The following NBAS variants were observed in gnomAD, a reference collection of about 807,000 sequenced individuals.
The protein encoded by NBAS is NBAS subunit of NRZ tethering complex.
A neutral mutation model predicts 302.5 loss-of-function variants in NBAS; 219 were observed. The observed-to-expected ratio is 0.72, with a 90% confidence interval of 0.65 to 0.81. NBAS has a LOEUF of 0.81. Among genes scored for constraint, NBAS ranks in the 30% least tolerant of loss-of-function variants. NBAS has a pLI of 0.00. For missense variants in NBAS, 2,932 were observed against 2,841.6 expected, an observed-to-expected ratio of 1.03 and a Z score of -0.72; for synonymous variants, 1,118 against 1,021.6, an observed-to-expected ratio of 1.09 and a Z score of -1.80.
chr2:15,329,466 C>G (rs1290284095), intron 36 of NBAS, among the ~76,000 whole-genome samples: 1 of 152,228 alleles, frequency 6.6e-6, no homozygotes, highest in Non-Finnish European at 1.5e-5. Context: ...CTCACTGTCT[C>G]TTTTCTTCTC....
intron 50 of NBAS, among the ~76,000 whole-genome samples, chr2:15,186,293 G>A (rs191383829): frequency 1.5e-3 from 227 of 152,096 alleles, no homozygotes; most frequent in African/African-American, 4.9e-3. Context: ...ACCATACTTC[G>A]CAGAGAAAGA....
the NBAS span, among the ~76,000 whole-genome samples, chr2:14,905,461 C>T: frequency 7.2e-5 from 11 of 152,250 alleles, no homozygotes; most frequent in Admixed American, 3.9e-4. Context: ...CCAGCTGTCC[C>T]GCTCGGTGGC....
the NBAS span, among the ~76,000 whole-genome samples, chr2:14,877,708 C>T: frequency 6.6e-6 from 1 of 152,086 alleles, no homozygotes; most frequent in Non-Finnish European, 1.5e-5. Flanking sequence ...CTAACTAGAG[C>T]CTGACTTGAG....
chr2:14,983,464 T>A, the NBAS span, among the ~76,000 whole-genome samples: 2 of 152,208 alleles, frequency 1.3e-5, no homozygotes, highest in Non-Finnish European at 2.9e-5. Context: ...TGATACCTTG[T>A]CTCACAGGGC....
chr2:15,451,507 C>T (rs763859871), intron 21 of NBAS, among the ~76,000 whole-genome samples: 2 of 152,252 alleles, frequency 1.3e-5, no homozygotes, highest in Non-Finnish European at 1.5e-5. Flanking sequence ...AGACTTCCAT[C>T]TACCTTTGAT....
chr2:14,802,367 G>A, the NBAS span, among the ~76,000 whole-genome samples: 74 of 150,942 alleles, frequency 4.9e-4, 1 homozygote, highest in African/African-American at 1.7e-3. Flanking sequence ...GCTCTGTTCT[G>A]TTCCATTGAT....
intron 9 of NBAS, among the ~76,000 whole-genome samples, chr2:15,518,463 T>C (rs555247406): frequency 4.6e-5 from 7 of 152,302 alleles, no homozygotes; most frequent in Admixed American, 6.5e-5. Context: ...TATTTGACTT[T>C]TAAGTGCTTA....
At chr2:15,028,575 C>G in the NBAS span, among the ~76,000 whole-genome samples, 1 of 152,328 alleles carries the variant, frequency 6.6e-6, no homozygotes, top group African/African-American at 2.4e-5. Context: ...CATTCCCTGA[C>G]CTATGAGGCC....
chr2:15,550,743 T>G (rs1364454085), intron 6 of NBAS, among the ~76,000 whole-genome samples: 1 of 151,992 alleles, frequency 6.6e-6, no homozygotes. Flanking sequence ...TGTGTCATCA[T>G]GCCTGGGTAA....
chr2:14,944,810 C>T, the NBAS span, among the ~76,000 whole-genome samples: 59 of 151,970 alleles, frequency 3.9e-4, no homozygotes, highest in Non-Finnish European at 6.8e-4. Flanking sequence ...CCCCATTCTG[C>T]CCAGCACCAA....
At chr2:15,077,074 C>A in the NBAS span, among the ~76,000 whole-genome samples, 187 of 152,312 alleles carry the variant, frequency 1.2e-3, no homozygotes, top group African/African-American at 4.2e-3. Context: ...CTACCTGAGA[C>A]TGGGTCATTT....
chr2:14,929,914 C>T, the NBAS span, among the ~76,000 whole-genome samples: 3 of 152,052 alleles, frequency 2.0e-5, no homozygotes, highest in South Asian at 2.1e-4. Context: ...GGCAGATTTC[C>T]CCCTTGCTGT....
At chr2:15,311,876 T>C (rs1021391890) in intron 38 of NBAS, among the ~76,000 whole-genome samples, 5 of 152,138 alleles carry the variant, frequency 3.3e-5, no homozygotes, top group African/African-American at 1.2e-4. Context: ...AACTCTCCAC[T>C]CTGACAACTT....
At chr2:15,467,945 T>A in intron 17 of NBAS, 141 bp from the exon 18 acceptor site, 3 of 757,344 alleles carry the variant, frequency 4.0e-6, no homozygotes, top group Non-Finnish European at 4.3e-6. Context: ...TTTGCCATTG[T>A]AAACAAAGTG....
intron 27 of NBAS, among the ~76,000 whole-genome samples, chr2:15,394,873 C>T (rs923347190): frequency 1.3e-5 from 2 of 152,020 alleles, no homozygotes; most frequent in African/African-American, 4.8e-5. Context: ...CTTGAGATAT[C>T]CCATTCCATA....
intron 44 of NBAS, among the ~76,000 whole-genome samples, chr2:15,270,640 G>A (rs994447434): frequency 4.6e-5 from 7 of 152,030 alleles, no homozygotes; most frequent in African/African-American, 1.4e-4. Flanking sequence ...ACTTTATACT[G>A]TGCTAGGACA....
the NBAS span, among the ~76,000 whole-genome samples, chr2:15,123,610 C>T: frequency 2.0e-5 from 3 of 152,108 alleles, no homozygotes; most frequent in African/African-American, 7.2e-5. Context: ...AGTTGGTTCA[C>T]AGGAGATCTG....
the NBAS span, among the ~76,000 whole-genome samples, chr2:15,125,173 G>T: frequency 6.6e-6 from 1 of 152,176 alleles, no homozygotes; most frequent in South Asian, 2.1e-4. Context: ...ACCTGTATTA[G>T]TCTGTTCTCA....
chr2:15,480,079 G>A (rs988871001), intron 12 of NBAS, among the ~76,000 whole-genome samples: 6 of 150,810 alleles, frequency 4.0e-5, no homozygotes, highest in South Asian at 2.1e-4. Context: ...GGTGGCTCAC[G>A]CCTGTAATCC....
Sources: gnomAD v4.1 joint callset for allele counts (sites outside exome capture counted in the v4.1 genomes callset) on GRCh38, gnomAD v4.1.1 for gene constraint, MANE v1.5 for transcripts, NCBI Gene and HGNC (gene_info 2026-07-23, HGNC 2026-07-21) for gene names.